IFI44: variants seen among roughly 807,000 people sequenced by gnomAD.
IFI44 encodes the protein interferon-induced protein 44.
In IFI44, 42 loss-of-function variants were observed where a neutral mutation model predicts 45.0. The observed-to-expected ratio is 0.93, with a 90% CI of 0.73 to 1.21. The LOEUF is 1.21. Ranked by LOEUF, IFI44 falls within the 50% of genes most tolerant of loss-of-function variation. IFI44 has a pLI of 0.00. For synonymous variants in IFI44, 221 were observed against 188.6 expected (o/e 1.17, Z -1.41); for missense variants, 623 against 525.8 (o/e 1.18, Z -1.81).
chr1:78,654,891 A>T lies in IFI44; in HGVS notation c.495-123A>T. The T allele has an allele frequency of 6.8e-6, 5 of 734,990 alleles. No individual in the cohort carries two copies. The South Asian group carries it at 8.8e-5, about 13-fold the overall frequency. The allele number at this position is 734,990 out of a possible 1,614,324, so 45.5% of individuals were successfully genotyped here. ...CAGGTAGGTTCGTCTCATGTCTTTCATGTAAGAAGTCAAGTTGCTAATCAA... is the reference window on the plus strand; with the variant it reads ...CAGGTAGGTTCGTCTCATGTCTTTCTTGTAAGAAGTCAAGTTGCTAATCAA... On this transcript the variant is annotated intron_variant, in intron 3 of 8. Coordinates refer to ENST00000370747, the MANE Select transcript of IFI44 (RefSeq NM_006417.5).
chr1:78,662,566 G>T (rs577111225), intron 7 of IFI44, 138 bp from the exon 8 acceptor site: 1 of 649,024 alleles, frequency 1.5e-6, no homozygotes, highest in East Asian at 2.7e-5. Flanking sequence ...AGAGTACTTT[G>T]TGAGACCAGA....
At chr1:78,662,979 G>T in intron 8 of IFI44, 101 bp downstream of exon 8, 1 of 1,600,354 alleles carries the variant, frequency 6.2e-7, no homozygotes, top group Non-Finnish European at 8.5e-7. Context: ...CTTTTTGTGG[G>T]TTGTTGCCCT....
rs1342645379 is a variant in IFI44 at position 78,650,577 on chromosome 1, A to C, written c.382A>C (p.Lys128Gln). ...GRNRKVIMDL[K>Q]TMENLGLAQN... is the part of the protein sequence containing the mutation. Reference sequence around the variant, plus strand: ...AAATAGAAAAGTGATTATGGACTTAAAGACAATGGAAAATCTTGGACTTGC... The same window carrying C: ...AAATAGAAAAGTGATTATGGACTTACAGACAATGGAAAATCTTGGACTTGC... The change falls in exon 2 of 9, where the codon AAG becomes CAG. Residue 128 changes from lysine (K) to glutamine (Q), a missense_variant. Lys to Gln is a moderately conservative substitution (Grantham distance 53). Coordinates refer to ENST00000370747, the MANE Select transcript of IFI44 (RefSeq NM_006417.5). The C allele has an allele frequency of 6.2e-7, 1 of 1,612,476 alleles. No homozygotes were observed. Among genetic ancestry groups the C allele is most frequent in the Non-Finnish European group, 8.5e-7 (1 of 1,179,502 alleles).
At chr1:78,652,925 T>C (rs1478008833) in intron 2 of IFI44, among the ~76,000 whole-genome samples, 2 of 152,194 alleles carry the variant, frequency 1.3e-5, no homozygotes, top group African/African-American at 4.8e-5. Context: ...TTTCTAGAAC[T>C]ATAAGTAGTG....
intron 3 of IFI44, 44 bp from the exon 4 acceptor site, chr1:78,654,970 G>T (rs745484316): frequency 1.8e-5 from 25 of 1,383,394 alleles, no homozygotes; most frequent in South Asian, 6.7e-5. Context: ...AAGGTTTTGC[G>T]ACCTAACCTC....
chr1:78,650,340 C>T lies in IFI44; in HGVS notation c.145C>T (p.Pro49Ser), dbSNP rs763801408. 1 of 1,613,958 alleles carries T rather than the reference C, an allele frequency of 6.2e-7. No homozygotes were observed. Among genetic ancestry groups the T allele is most frequent in the Non-Finnish European group, 8.5e-7 (1 of 1,179,922 alleles). Residue 49 changes from proline to serine, a missense_variant, in exon 2 of 9, where the codon CCT (proline) becomes TCT (serine). Coordinates refer to ENST00000370747, the MANE Select transcript of IFI44 (RefSeq NM_006417.5). ...VLLDRCCNQGPTLTVIYSEDH... is the reference protein window; with the variant it reads ...VLLDRCCNQGSTLTVIYSEDH... ...GCTTGACAGATGTTGTAATCAAGGG[C>T]CTACTCTAACAGTGATTTATAGTGA...
At chr1:78,659,813 G>C (rs983715757) in intron 6 of IFI44, among the ~76,000 whole-genome samples, 1 of 152,068 alleles carries the variant, frequency 6.6e-6, no homozygotes, top group South Asian at 2.1e-4. Context: ...CTATATCTTC[G>C]CATGCTTTAT....
intron 7 of IFI44, among the ~76,000 whole-genome samples, chr1:78,661,057 G>T (rs1303116453): frequency 6.6e-6 from 1 of 152,114 alleles, no homozygotes; most frequent in Non-Finnish European, 1.5e-5. Flanking sequence ...CAGTACAGAT[G>T]AAATATTTTT....
intron 2 of IFI44, among the ~76,000 whole-genome samples, chr1:78,651,094 A>C (rs962388357): frequency 6.6e-6 from 1 of 152,240 alleles, no homozygotes; most frequent in Non-Finnish European, 1.5e-5. Context: ...AGTGGTCACC[A>C]ACCTTTTTGG....
intron 5 of IFI44, among the ~76,000 whole-genome samples, chr1:78,655,883 G>C (rs1647199806): frequency 6.6e-6 from 1 of 152,098 alleles, no homozygotes; most frequent in South Asian, 2.1e-4. Flanking sequence ...GGGCTGTTAA[G>C]ATATGCCTCC....
Position 78,659,407 on chromosome 1 carries a change from T to C in IFI44, c.936T>C (p.Asp312=), listed in dbSNP as rs1243696776. Residue 312 remains aspartate, a synonymous_variant, in exon 6 of 9, where the codon GAT becomes GAC. Coordinates refer to ENST00000370747, the MANE Select transcript of IFI44 (RefSeq NM_006417.5). The part of the protein sequence containing the change: ...DRIHCVAFVF[D]ASSIQYFSSQ... ...TTCATTGTGTGGCATTTGTATTTGA[T>C]GCCAGCTCTATTCAATACTTCTCCT... 1.9e-6 allele frequency: 3 copies of C among 1,613,446 alleles called. No homozygotes were observed. The highest frequency in any genetic ancestry group is 2.5e-6 in the Non-Finnish European group (3 of 1,179,582).
At position 78,656,424 on chromosome 1, in the gene IFI44, A is replaced by G. The variant is rs573361922; in HGVS notation, c.840+913A>G. Among the ~76,000 whole-genome samples the G allele has an allele frequency of 1.2e-4, 19 of 152,350 alleles. 1 individual carries two copies. Among genetic ancestry groups the G allele is most frequent in the South Asian group, 4.1e-4 (2 of 4,826 alleles). ...GCCAGCATCACTGAATGCCTTTTGT[A>G]TCTTTCCATTATGAAATATTTGGGT... On this transcript the variant is annotated intron_variant, in intron 5 of 8. Coordinates refer to ENST00000370747, the MANE Select transcript of IFI44 (RefSeq NM_006417.5).
intron 5 of IFI44, 151 bp from the exon 6 acceptor site, chr1:78,659,161 G>A (rs1570399894): frequency 1.7e-6 from 1 of 599,252 alleles, no homozygotes; most frequent in Non-Finnish European, 2.9e-6. Context: ...CTTGCATAAT[G>A]CCTGTCTTCT....
rs115565830 is a variant in IFI44, at chr1:78,663,082, A to C, written c.1288+204A>C. 482 of 985,230 alleles carry C rather than the reference A, an allele frequency of 4.9e-4. 2 individuals carry two copies. In the African/African-American group the frequency reaches 7.8e-3, roughly 16 times the overall value. The allele number at this position is 985,230 out of a possible 1,614,324, so 61.0% of individuals were successfully genotyped here. A position where few individuals can be genotyped will look rare whatever the true frequency, so the allele number is the denominator to read the frequency against. On this transcript the variant is annotated intron_variant, in intron 8 of 8. Transcript: ENST00000370747. ...CTGGAGTTCATACTAGAGAATCTGC[A>C]CTATGTTTTTCCCTTTTTGTCTTGA... is the stretch of plus-strand genomic sequence containing the variant.
In IFI44 at chr1:78,655,403, C is replaced by T; in HGVS notation, c.732C>T (p.Tyr244=). 1 of 1,613,688 alleles carries T rather than the reference C, an allele frequency of 6.2e-7. No individual in the cohort carries two copies. The highest frequency in any genetic ancestry group is 1.1e-5 in the South Asian group (1 of 91,044). ...TTAGAGACGGGAAAGATGGCAAATACCTGCCGTTTATTCTGTGTGACTCAC... is the reference window on the plus strand; with the variant it reads ...TTAGAGACGGGAAAGATGGCAAATATCTGCCGTTTATTCTGTGTGACTCAC... The part of the protein sequence containing the change: ...YSIRDGKDGK[Y]LPFILCDSLG... The change falls in exon 5 of 9, where the codon TAC becomes TAT. Residue 244 remains tyrosine (Y), a synonymous_variant. Coordinates refer to ENST00000370747, the MANE Select transcript of IFI44 (RefSeq NM_006417.5).
chr1:78,660,514 A>T (rs1216644491), intron 6 of IFI44, 40 bp from the exon 7 acceptor site: 1 of 1,369,258 alleles, frequency 7.3e-7, no homozygotes, highest in Non-Finnish European at 1.0e-6. Context: ...GAAAATACTG[A>T]TGCTCTCTAA....
At chr1:78,660,109 G>A (rs1647364348) in intron 6 of IFI44, among the ~76,000 whole-genome samples, 1 of 152,182 alleles carries the variant, frequency 6.6e-6, no homozygotes, top group Non-Finnish European at 1.5e-5. Context: ...GCAGAGAGAT[G>A]ATTGCTAGTG....
At chr1:78,655,875 G>T (rs1169893741) in intron 5 of IFI44, among the ~76,000 whole-genome samples, 1 of 152,072 alleles carries the variant, frequency 6.6e-6, no homozygotes, top group Non-Finnish European at 1.5e-5. Flanking sequence ...CTCAGCATGG[G>T]CTGTTAAGAT....
intron 2 of IFI44, among the ~76,000 whole-genome samples, chr1:78,651,747 A>T (rs745538299): frequency 3.3e-5 from 5 of 152,140 alleles, no homozygotes; most frequent in Non-Finnish European, 5.9e-5. Context: ...CTCTGCTTTT[A>T]TGAATTCGAC....
Sources: allele counts gnomAD v4.1 joint callset (sites outside exome capture counted in the v4.1 genomes callset), GRCh38; gene constraint gnomAD v4.1.1; transcripts MANE v1.5; gene names NCBI Gene and HGNC (gene_info 2026-07-23, HGNC 2026-07-21).